MARCHF7: variants seen among roughly 807,000 people sequenced by gnomAD.
MARCHF7 encodes E3 ubiquitin-protein ligase MARCHF7.
Under a neutral mutation model 76.5 loss-of-function variants are expected in MARCHF7, and 20 were observed. The observed-to-expected ratio is 0.26, with a 90% CI of 0.18 to 0.38. The LOEUF is 0.38. Among genes scored for constraint, MARCHF7 ranks in the 10% least tolerant of loss-of-function variants. The pLI is 1.00. For synonymous variants in MARCHF7, 295 were observed against 293.0 expected (o/e 1.01, Z -0.07); for missense variants, 797 against 812.9 (o/e 0.98, Z 0.24).
intron 4 of MARCHF7, among the ~76,000 whole-genome samples, chr2:159,737,794 TA>T (rs1247518685): frequency 1.3e-5 from 2 of 151,208 alleles, no homozygotes; most frequent in Non-Finnish European, 3.0e-5. Context: ...GTCTCAAAAT[TA>T]AAAAAAAAGA....
intron 11 of MARCHF7, among the ~76,000 whole-genome samples, chr2:159,765,120 C>T (rs1016202963): frequency 6.6e-6 from 1 of 151,914 alleles, no homozygotes; most frequent in Non-Finnish European, 1.5e-5. Flanking sequence ...AAATATGGGA[C>T]AAGGAGTCCT....
chr2:159,734,018 A>C, intron 4 of MARCHF7: 1 of 1,353,162 alleles, frequency 7.4e-7, no homozygotes, highest in African/African-American at 1.5e-5. Flanking sequence ...CTGCTATCCC[A>C]TCTTTAAATT....
intron 3 of MARCHF7, among the ~76,000 whole-genome samples, chr2:159,720,629 C>G (rs2125311168): frequency 6.6e-6 from 1 of 152,178 alleles, no homozygotes; most frequent in South Asian, 2.1e-4. Flanking sequence ...TTAGTTATCC[C>G]TTGTTCGTTA....
At chr2:159,766,220 A>G (rs1707743724) in intron 11 of MARCHF7, among the ~76,000 whole-genome samples, 1 of 152,182 alleles carries the variant, frequency 6.6e-6, no homozygotes, top group South Asian at 2.1e-4. Context: ...ATGGAAAAAC[A>G]CAAGAAGTTC....
At chr2:159,756,516 G>A (rs759686660) in intron 8 of MARCHF7, among the ~76,000 whole-genome samples, 23 of 151,540 alleles carry the variant, frequency 1.5e-4, no homozygotes, top group Admixed American at 3.3e-4. Context: ...GTGAAACCCC[G>A]TCTCTACTGA....
chr2:159,720,627 C>T (rs889159114), intron 3 of MARCHF7, among the ~76,000 whole-genome samples: 23 of 151,982 alleles, frequency 1.5e-4, no homozygotes, highest in Non-Finnish European at 3.2e-4. Flanking sequence ...ACTTAGTTAT[C>T]CCTTGTTCGT....
At chr2:159,755,649 T>C (rs144195005) in intron 8 of MARCHF7, among the ~76,000 whole-genome samples, 24 of 152,304 alleles carry the variant, frequency 1.6e-4, no homozygotes, top group African/African-American at 5.5e-4. Context: ...TAGAGGAATT[T>C]ACTGATATTA....
intron 3 of MARCHF7, among the ~76,000 whole-genome samples, chr2:159,723,037 A>G (rs1473396368): frequency 3.3e-5 from 5 of 152,236 alleles, no homozygotes; most frequent in Admixed American, 3.3e-4. Context: ...TTTAAAAAGC[A>G]TTTTGTTTCC....
At chr2:159,724,216 G>T (rs148738172) in intron 3 of MARCHF7, among the ~76,000 whole-genome samples, 308 of 152,278 alleles carry the variant, frequency 2.0e-3, no homozygotes, top group African/African-American at 7.2e-3. Context: ...ATTGTCTTAA[G>T]ACTTTATTGT....
rs1471515504 is a variant in MARCHF7, at chr2:159,748,339, T to G, written c.1049T>G (p.Phe350Cys). Residue 350 changes from phenylalanine to cysteine, a missense_variant, in exon 7 of 12, where the codon TTT (phenylalanine) becomes TGT (cysteine). Phe to Cys is a radical substitution (Grantham distance 205). Around this residue, in one of 3 missense-constraint regions of MARCHF7, gnomAD observed 643 missense variants for 631.5 expected, o/e 1.02. Transcript: ENST00000409175. ...RASEASQGFR[F>C]LRRRWGLSSL... ...TCTGAAGCTTCTCAGGGATTTCGATTTCTTAGGCGAAGATGGGGTTTGTCA... is the reference window on the plus strand; with the variant it reads ...TCTGAAGCTTCTCAGGGATTTCGATGTCTTAGGCGAAGATGGGGTTTGTCA... 1 of 1,613,634 alleles carries G rather than the reference T, an allele frequency of 6.2e-7. No homozygotes were observed. The highest frequency in any genetic ancestry group is 8.5e-7 in the Non-Finnish European group (1 of 1,179,958).
chr2:159,725,288 C>T (rs571327278), intron 3 of MARCHF7, among the ~76,000 whole-genome samples: 243 of 152,336 alleles, frequency 1.6e-3, no homozygotes, highest in African/African-American at 5.7e-3. Flanking sequence ...AACTAGTTTA[C>T]AGTCCCACCA....
chr2:159,742,645 AAAG>A (rs1704271744), intron 4 of MARCHF7, among the ~76,000 whole-genome samples: 1 of 152,146 alleles, frequency 6.6e-6, no homozygotes, highest in African/African-American at 2.4e-5. Context: ...AACAAAGACT[AAAG>A]AAGAACTACA....
At chr2:159,766,085 A>G (rs1374983468) in intron 11 of MARCHF7, among the ~76,000 whole-genome samples, 1 of 152,138 alleles carries the variant, frequency 6.6e-6, no homozygotes, top group Admixed American at 6.6e-5. Flanking sequence ...TGGAGGTGAA[A>G]TATGTCCATA....
intron 11 of MARCHF7, 88 bp downstream of exon 11, chr2:159,764,762 C>A: frequency 2.1e-6 from 2 of 937,630 alleles, no homozygotes; most frequent in Non-Finnish European, 1.6e-6. Flanking sequence ...CTCTGTTCTG[C>A]CAAATTAGAG....
chr2:159,755,336 A>G (rs1706161874), intron 8 of MARCHF7, among the ~76,000 whole-genome samples: 1 of 152,132 alleles, frequency 6.6e-6, no homozygotes, highest in Non-Finnish European at 1.5e-5. Flanking sequence ...GGAAGCAAAG[A>G]TATTGAGAAA....
chr2:159,758,220 C>T (rs1480459187), intron 8 of MARCHF7, among the ~76,000 whole-genome samples: 1 of 152,112 alleles, frequency 6.6e-6, no homozygotes, highest in East Asian at 1.9e-4. Context: ...CAGAAAGAAC[C>T]TACAAGTTTA....
chr2:159,767,129 C>G (rs1456346378), intron 11 of MARCHF7, among the ~76,000 whole-genome samples, 155 bp from the exon 12 acceptor site: 1 of 152,090 alleles, frequency 6.6e-6, no homozygotes, highest in African/African-American at 2.4e-5. Flanking sequence ...GGCAGACCAC[C>G]CTAACCCTGT....
At chr2:159,752,903 A>G (rs1340916854) in intron 8 of MARCHF7, among the ~76,000 whole-genome samples, 2 of 152,206 alleles carry the variant, frequency 1.3e-5, no homozygotes, top group Non-Finnish European at 2.9e-5. Context: ...TGTCCTTGAG[A>G]AAGATTTATT....
chr2:159,722,460 A>G (rs1378052329), intron 3 of MARCHF7, among the ~76,000 whole-genome samples: 1 of 152,176 alleles, frequency 6.6e-6, no homozygotes, highest in Admixed American at 6.5e-5. Context: ...TAGCACTTAG[A>G]ACTATTGAAG....
Sources: gnomAD v4.1 joint callset for allele counts (sites outside exome capture counted in the v4.1 genomes callset) on GRCh38, gnomAD v4.1.1 for gene constraint, gnomAD v4.1.1 regional missense constraint, MANE v1.5 for transcripts, NCBI Gene and HGNC (gene_info 2026-07-23, HGNC 2026-07-21) for gene names.